Variants in ADAM22 observed in about 807,000 individuals in gnomAD.
ADAM22 encodes the protein ADAM metallopeptidase domain 22.
A neutral mutation model predicts 144.6 loss-of-function variants in ADAM22; 65 were observed. That is an observed-to-expected ratio of 0.45 (90% CI 0.37 to 0.55). ADAM22 has a LOEUF of 0.55. Among genes scored for constraint, ADAM22 ranks in the 20% least tolerant of loss-of-function variants. The pLI, the probability that ADAM22 is intolerant of heterozygous loss-of-function variation, is 0.00. For synonymous variants in ADAM22, 391 were observed against 412.6 expected (o/e 0.95, Z 0.63); for missense variants, 974 against 1,184.9 (o/e 0.82, Z 2.61).
intron 3 of ADAM22, among the ~76,000 whole-genome samples, chr7:88,022,285 A>G (rs953731147): frequency 7.9e-5 from 12 of 152,206 alleles, no homozygotes; most frequent in African/African-American, 2.9e-4. Context: ...CTTAGAGTTC[A>G]GTAGGCCAGA....
At position 88,157,684 on chromosome 7, in the gene ADAM22, T is replaced by C. The variant is rs192384354; in HGVS notation, c.1907+1678T>C. On this transcript the variant is annotated intron_variant, in intron 22 of 31. Coordinates refer to ENST00000413139, the MANE Select transcript of ADAM22 (RefSeq NM_001324418.2). ...TTTACAGCGCTACGAAACCGGCACA[T>C]GTGGACAGTCAGCACAGACAACAGC... 2.6e-3 allele frequency among the ~76,000 whole-genome samples: 390 copies of C among 152,186 alleles called. 1 individual carries two copies. The highest frequency in any genetic ancestry group is 4.8e-3 in the Admixed American group (74 of 15,262).
At chr7:87,997,073 T>C (rs1442781770) in intron 3 of ADAM22, among the ~76,000 whole-genome samples, 6 of 152,210 alleles carry the variant, frequency 3.9e-5, no homozygotes, top group Non-Finnish European at 8.8e-5. Flanking sequence ...CTGAAAACTT[T>C]AGGACTGAAA....
At chr7:88,163,832 T>TC (rs1842337617) in intron 23 of ADAM22, among the ~76,000 whole-genome samples, 1 of 152,128 alleles carries the variant, frequency 6.6e-6, no homozygotes, top group African/African-American at 2.4e-5. Flanking sequence ...TTTGTCAGTT[T>TC]CAATTAGGAA....
chr7:87,953,777 A>G (rs1242498889), intron 2 of ADAM22, among the ~76,000 whole-genome samples: 1 of 152,130 alleles, frequency 6.6e-6, no homozygotes, highest in Non-Finnish European at 1.5e-5. Context: ...GTGGGAGTCT[A>G]AGTCTCTTTG....
At chr7:88,043,463 T>C (rs1427555700) in intron 3 of ADAM22, among the ~76,000 whole-genome samples, 4 of 148,376 alleles carry the variant, frequency 2.7e-5, no homozygotes, top group Non-Finnish European at 4.4e-5. Context: ...CCAGCCTGGG[T>C]GACTGAGCGA....
At position 88,201,907 on chromosome 7, in the gene ADAM22, TA is replaced by T. The variant is rs1851230885; in HGVS notation, c.*5417del. On this transcript the variant is annotated 3_prime_UTR_variant, in exon 32 of 32. Coordinates refer to ENST00000413139, the MANE Select transcript of ADAM22 (RefSeq NM_001324418.2). ...ATAATATTCTGATCTGCATTCACCT[TA>T]GGGCTTAGCCTCTTATTTTATGAAT... The T allele has an allele frequency of 6.6e-6, 1 of 152,232 alleles. No homozygotes were observed. The allele number at this position is 152,232 out of a possible 1,614,324, so 9.4% of individuals were successfully genotyped here. A position where few individuals can be genotyped will look rare whatever the true frequency, so the allele number is the denominator to read the frequency against.
intron 4 of ADAM22, among the ~76,000 whole-genome samples, chr7:88,087,233 T>G (rs1230821905): frequency 6.6e-6 from 1 of 152,230 alleles, no homozygotes. Context: ...TATTTTATTT[T>G]TATACTCATG....
intron 23 of ADAM22, among the ~76,000 whole-genome samples, chr7:88,165,624 G>A (rs950712598): frequency 1.3e-5 from 2 of 151,382 alleles, no homozygotes; most frequent in East Asian, 1.9e-4. Flanking sequence ...AAAATTCATC[G>A]TTCCCTTTGG....
intron 31 of ADAM22, among the ~76,000 whole-genome samples, chr7:88,194,458 A>G (rs931462892): frequency 3.3e-5 from 5 of 152,124 alleles, no homozygotes; most frequent in African/African-American, 1.2e-4. Context: ...TACCAAATAC[A>G]CAGCCCCTGT....
At chr7:88,136,574 A>T (rs1833030573) in intron 14 of ADAM22, among the ~76,000 whole-genome samples, 1 of 152,050 alleles carries the variant, frequency 6.6e-6, no homozygotes, top group Non-Finnish European at 1.5e-5. Context: ...ACGCTCAGTC[A>T]TCAATGCTTG....
intron 3 of ADAM22, among the ~76,000 whole-genome samples, chr7:87,984,234 T>C (rs960507143): frequency 1.7e-4 from 26 of 152,302 alleles, no homozygotes; most frequent in Middle Eastern, 3.4e-3. Context: ...TATAATTACA[T>C]TCCTGCCACT....
chr7:88,074,705 A>G (rs1434054059), intron 3 of ADAM22, among the ~76,000 whole-genome samples: 1 of 152,230 alleles, frequency 6.6e-6, no homozygotes, highest in African/African-American at 2.4e-5. Context: ...GTGTCAGATA[A>G]TACAGGATTA....
At chr7:88,186,549 G>C in intron 29 of ADAM22, 66 bp from the exon 30 acceptor site, 7 of 1,036,352 alleles carry the variant, frequency 6.8e-6, no homozygotes, top group Non-Finnish European at 1.1e-5. Flanking sequence ...TGCTAAGCTT[G>C]TGCTGTGTAT....
chr7:88,192,641 A>T (rs1203710381), intron 30 of ADAM22, among the ~76,000 whole-genome samples: 1 of 152,172 alleles, frequency 6.6e-6, no homozygotes. Context: ...GTGTTGTGTA[A>T]ACTGGTGTGT....
intron 4 of ADAM22, among the ~76,000 whole-genome samples, chr7:88,080,656 C>G (rs376549886): frequency 6.6e-6 from 1 of 151,942 alleles, no homozygotes; most frequent in South Asian, 2.1e-4. Context: ...TAAAAAATGA[C>G]AAAGGTGATA....
chr7:88,120,592 G>A (rs1829047505), intron 7 of ADAM22, among the ~76,000 whole-genome samples: 1 of 152,114 alleles, frequency 6.6e-6, no homozygotes, highest in Admixed American at 6.5e-5. Context: ...TTAATGATGT[G>A]TAGTATATAC....
intron 3 of ADAM22, among the ~76,000 whole-genome samples, chr7:88,052,752 C>T (rs951963609): frequency 2.6e-5 from 4 of 152,136 alleles, no homozygotes; most frequent in Non-Finnish European, 5.9e-5. Flanking sequence ...AAAAAGTTAA[C>T]TTTCCCATGT....
At chr7:88,138,240 G>A (rs527910039) in intron 14 of ADAM22, among the ~76,000 whole-genome samples, 18 of 152,226 alleles carry the variant, frequency 1.2e-4, no homozygotes, top group African/African-American at 4.1e-4. Context: ...TTCTATAGTT[G>A]CAGTTTCAAC....
At chr7:88,098,817 G>A (rs985683820) in intron 4 of ADAM22, among the ~76,000 whole-genome samples, 10 of 151,310 alleles carry the variant, frequency 6.6e-5, no homozygotes, top group Admixed American at 4.0e-4. Context: ...TCATCGGCTC[G>A]TTTTATTTCC....
Sources: gnomAD v4.1 joint callset for allele counts (sites outside exome capture counted in the v4.1 genomes callset) on GRCh38, gnomAD v4.1.1 for gene constraint, MANE v1.5 for transcripts, NCBI Gene and HGNC (gene_info 2026-07-23, HGNC 2026-07-21) for gene names.